TPH1: variants seen among roughly 807,000 people sequenced by gnomAD.
TPH1 encodes tryptophan hydroxylase 1.
TPH1 carries 37 observed loss-of-function variants against 49.5 expected under a neutral mutation model. That is an observed-to-expected ratio of 0.75 (90% CI 0.58 to 0.98). The LOEUF (loss-of-function observed/expected upper bound fraction) is 0.98. Ranked by LOEUF, TPH1 falls within the 50% of genes least tolerant of loss-of-function variation. The pLI is 0.00. For missense variants in TPH1, 487 were observed against 523.6 expected (o/e 0.93, Z 0.68); for synonymous variants, 160 against 182.1 (o/e 0.88, Z 0.98).
Position 18,018,978 on chromosome 11 carries a change from T to C in TPH1, c.*2013A>G, listed in dbSNP as rs542770486. On this transcript the variant is annotated 3_prime_UTR_variant, in exon 11 of 11. Coordinates refer to ENST00000682019, the MANE Select transcript of TPH1 (RefSeq NM_004179.3). Reference sequence around the variant, plus strand: ...TACATGTTCTAAGATTTGCTATCTATTATGATTTGCTTACAGTAGATTTCC... The same window carrying C: ...TACATGTTCTAAGATTTGCTATCTACTATGATTTGCTTACAGTAGATTTCC... 1.3e-5 allele frequency: 2 copies of C among 152,308 alleles called. No individual in the cohort carries two copies. The highest frequency in any genetic ancestry group is 4.8e-5 in the African/African-American group (2 of 41,580). 9.4% of individuals were successfully genotyped at this position (152,308 alleles called of 1,614,324 possible).
At chr11:18,039,464 T>C (rs1205711683) in intron 2 of TPH1, among the ~76,000 whole-genome samples, 1 of 152,204 alleles carries the variant, frequency 6.6e-6, no homozygotes, top group Non-Finnish European at 1.5e-5. Flanking sequence ...TTAACCACAG[T>C]GGTGTTCTGC....
rs1854346230 is a variant in TPH1, at chr11:18,020,452, A to G, written c.*539T>C. 6.2e-6 allele frequency: 1 copy of G among 161,126 alleles called. No individual in the cohort carries two copies. The highest frequency in any genetic ancestry group is 5.8e-5 in the Admixed American group (1 of 17,114). 10.0% of individuals were successfully genotyped at this position (161,126 alleles called of 1,614,324 possible). A position where few individuals can be genotyped will look rare whatever the true frequency, so the allele number is the denominator to read the frequency against. ...GTATCCTCCATGTGCAAAGGCCTCTATACTTTTGCTCATGCTAGCAACAAA... is the reference window on the plus strand; with the variant it reads ...GTATCCTCCATGTGCAAAGGCCTCTGTACTTTTGCTCATGCTAGCAACAAA... On this transcript the variant is annotated 3_prime_UTR_variant, in exon 11 of 11. Coordinates refer to ENST00000682019, the MANE Select transcript of TPH1 (RefSeq NM_004179.3).
intron 2 of TPH1, among the ~76,000 whole-genome samples, chr11:18,037,037 A>G (rs1373394293): frequency 2.6e-5 from 4 of 152,190 alleles, no homozygotes; most frequent in Non-Finnish European, 1.5e-5. Context: ...TTCATGGAGC[A>G]GGTGGGAACT....
intron 3 of TPH1, among the ~76,000 whole-genome samples, chr11:18,033,576 AT>A (rs906170778): frequency 3.3e-5 from 5 of 151,498 alleles, no homozygotes; most frequent in Non-Finnish European, 7.4e-5. Context: ...CTGAGCTTTA[AT>A]TTTTTTTTGA....
rs564885046 is a variant in TPH1 at position 18,021,041 on chromosome 11, C to T, written c.1285G>A (p.Asp429Asn). ...SAMNELQHDL[D>N]VVSDALAKVS... ...TTAGCAAGGGCATCACTGACAACATCGAGATCATGCTGCAGCTCATTCATG... is the reference window on the plus strand; with the variant it reads ...TTAGCAAGGGCATCACTGACAACATTGAGATCATGCTGCAGCTCATTCATG... Residue 429 changes from aspartate to asparagine, a missense_variant, in exon 11 of 11, where the codon GAT becomes AAT. Coordinates refer to ENST00000682019, the MANE Select transcript of TPH1 (RefSeq NM_004179.3). 1.9e-6 allele frequency: 3 copies of T among 1,614,032 alleles called. No individual in the cohort carries two copies. The highest frequency in any genetic ancestry group is 4.5e-5 in the East Asian group (2 of 44,880).
intron 2 of TPH1, among the ~76,000 whole-genome samples, chr11:18,037,686 A>G (rs1338028220): frequency 2.0e-5 from 3 of 152,252 alleles, no homozygotes; most frequent in East Asian, 1.9e-4. Context: ...TAAAATCTCA[A>G]TGGAATTTGG....
intron 8 of TPH1, among the ~76,000 whole-genome samples, 173 bp downstream of exon 8, chr11:18,025,402 A>T (rs1847917905): frequency 6.6e-6 from 1 of 150,390 alleles, no homozygotes; most frequent in African/African-American, 2.5e-5. Flanking sequence ...TTCTTTTCTG[A>T]CAGAGTCTCT....
chr11:18,038,337 G>A (rs1425519890), intron 2 of TPH1, among the ~76,000 whole-genome samples: 2 of 152,328 alleles, frequency 1.3e-5, no homozygotes, highest in African/African-American at 4.8e-5. Context: ...AGAACACCAT[G>A]TAGCAGTTAG....
chr11:18,041,257 T>C (rs747993789), intron 1 of TPH1: 6 of 157,290 alleles, frequency 3.8e-5, no homozygotes, highest in Admixed American at 2.5e-4. Context: ...CTATTTATTT[T>C]GTAAACTAAA....
Position 18,018,545 on chromosome 11 carries a change from A to T in TPH1, c.*2446T>A, listed in dbSNP as rs1236124884. ...GCCGGACGTGGTGGCGGGCGCCTGT[A>T]GTCCCAGCTACTCAGGAGACAGAGG... On this transcript the variant is annotated 3_prime_UTR_variant, in exon 11 of 11. Transcript: ENST00000682019. 1 of 151,880 alleles carries T rather than the reference A, an allele frequency of 6.6e-6. No individual in the cohort carries two copies. The highest frequency in any genetic ancestry group is 1.5e-5 in the Non-Finnish European group (1 of 68,024). 9.4% of individuals were successfully genotyped at this position (151,880 alleles called of 1,614,324 possible). A position where few individuals can be genotyped will look rare whatever the true frequency, so the allele number is the denominator to read the frequency against.
chr11:18,040,513 G>A, intron 2 of TPH1, 133 bp downstream of exon 2: 1 of 827,816 alleles, frequency 1.2e-6, no homozygotes, highest in Non-Finnish European at 1.8e-6. Flanking sequence ...AACTACAGGA[G>A]TCCACCACCA....
chr11:18,041,502 T>G (rs1340894565), intron 1 of TPH1, among the ~76,000 whole-genome samples: 1 of 152,184 alleles, frequency 6.6e-6, no homozygotes, highest in East Asian at 1.9e-4. Flanking sequence ...CTTTCTAATA[T>G]AAAACTAAGT....
At position 18,019,690 on chromosome 11, in the gene TPH1, A is replaced by G. The variant is rs755522290; in HGVS notation, c.*1301T>C. The stretch of plus-strand genomic sequence containing the variant: ...CATTCCCCATGAAGAGATGGCAAAA[A>G]GAGTAGAAGTGCAAAGACAGAAACT... On this transcript the variant is annotated 3_prime_UTR_variant, in exon 11 of 11. Transcript: ENST00000682019. The G allele has an allele frequency of 8.6e-6, 4 of 463,960 alleles. No individual in the cohort carries two copies. Among genetic ancestry groups the G allele is most frequent in the Admixed American group, 2.3e-5 (1 of 43,346 alleles). The allele number at this position is 463,960 out of a possible 1,614,324, so 28.7% of individuals were successfully genotyped here. A position where few individuals can be genotyped will look rare whatever the true frequency, so the allele number is the denominator to read the frequency against.
intron 2 of TPH1, 115 bp downstream of exon 2, chr11:18,040,531 C>G: frequency 1.9e-6 from 2 of 1,065,140 alleles, no homozygotes; most frequent in Non-Finnish European, 2.7e-6. Flanking sequence ...CCACACCCAG[C>G]TAAATTTGTT....
chr11:18,025,801 G>A (rs1042560563), intron 7 of TPH1, 100 bp from the exon 8 acceptor site: 22 of 1,510,120 alleles, frequency 1.5e-5, no homozygotes, highest in African/African-American at 9.7e-5. Flanking sequence ...TCTAATGATC[G>A]GGTGATAATA....
rs1255070289 is a variant in TPH1 at position 18,026,475 on chromosome 11, A to T, written c.803+15T>A. ...AACCATTTGATGAATTCCTGGCTGA[A>T]ATAGAAGTACTTACGGCTCTGGGGT... On this transcript the variant is annotated intron_variant, in intron 7 of 10. Coordinates refer to ENST00000682019, the MANE Select transcript of TPH1 (RefSeq NM_004179.3). The T allele has an allele frequency of 1.2e-6, 2 of 1,613,266 alleles. No individual in the cohort carries two copies. Among genetic ancestry groups the T allele is most frequent in the African/African-American group, 2.7e-5 (2 of 74,780 alleles).
intron 9 of TPH1, among the ~76,000 whole-genome samples, chr11:18,023,658 T>G (rs973896814): frequency 4.0e-5 from 6 of 151,772 alleles, no homozygotes; most frequent in African/African-American, 1.5e-4. Flanking sequence ...AATGCCCTTA[T>G]AAAATTCTTA....
chr11:18,025,455 A>C, intron 8 of TPH1, 120 bp downstream of exon 8: 1 of 1,385,642 alleles, frequency 7.2e-7, no homozygotes. Flanking sequence ...ATCTCGGCTC[A>C]CTGCAACCTC....
intron 1 of TPH1, chr11:18,042,258 A>C (rs750278077): frequency 6.7e-5 from 28 of 415,200 alleles, no homozygotes; most frequent in Admixed American, 2.1e-4. Context: ...GTATACACAG[A>C]AAATTCCAAA....
Sources: gnomAD v4.1 joint callset for allele counts (sites outside exome capture counted in the v4.1 genomes callset) on GRCh38, gnomAD v4.1.1 for gene constraint, MANE v1.5 for transcripts, NCBI Gene and HGNC (gene_info 2026-07-23, HGNC 2026-07-21) for gene names.